The following KANSL3 variants were observed in gnomAD, a reference collection of about 807,000 sequenced individuals.
KANSL3 encodes KAT8 regulatory NSL complex subunit 3.
In KANSL3, 16 loss-of-function variants were observed where a neutral mutation model predicts 89.2. That is an observed-to-expected ratio of 0.18 (90% CI 0.12 to 0.27). KANSL3 has a LOEUF of 0.27. Ranked by LOEUF, KANSL3 falls within the 10% of genes least tolerant of loss-of-function variation. The pLI, the probability that KANSL3 is intolerant of heterozygous loss-of-function variation, is 1.00. For missense variants in KANSL3, 879 were observed against 1,110.6 expected (o/e 0.79, Z 2.96); for synonymous variants, 385 against 419.7 (o/e 0.92, Z 1.01).
intron 14 of KANSL3, chr2:96,605,990 G>T (rs1282164546): frequency 6.5e-6 from 1 of 153,020 alleles, no homozygotes; most frequent in Non-Finnish European, 1.5e-5. Context: ...TGGAGGAGCA[G>T]GTCATCCAGT....
At position 96,615,496 on chromosome 2, in the gene KANSL3, A is replaced by G. The variant is rs919849451; in HGVS notation, c.664-1877T>C. The G allele has an allele frequency of 7.0e-6, 9 of 1,285,734 alleles. No homozygotes were observed. In the East Asian group the frequency reaches 4.4e-4, roughly 63 times the overall value. The allele number at this position is 1,285,734 out of a possible 1,614,324, so 79.6% of individuals were successfully genotyped here. A position where few individuals can be genotyped will look rare whatever the true frequency, so the allele number is the denominator to read the frequency against. ...TTCAGACATGTTGATGCTTACACTG[A>G]GAAGAAATATCTGCGAATTCCATGC... is the stretch of plus-strand genomic sequence containing the variant. On this transcript the variant is annotated intron_variant, in intron 5 of 20. Coordinates refer to ENST00000431828, the MANE Select transcript of KANSL3 (RefSeq NM_001115016.3).
the KANSL3 span, among the ~76,000 whole-genome samples, chr2:96,584,625 C>T: frequency 1.3e-5 from 2 of 152,298 alleles, no homozygotes; most frequent in South Asian, 4.1e-4. Context: ...GGTGAGAACA[C>T]GCAGTATTTT....
At chr2:96,589,467 A>C (rs1207902589), downstream of KANSL3, among the ~76,000 whole-genome samples, 1 of 152,232 alleles carries the variant, frequency 6.6e-6, no homozygotes, top group Non-Finnish European at 1.5e-5. Context: ...GACATTACAT[A>C]ATGATAAAAG....
chr2:96,615,165 C>CAAAAAAAAAAAAAAAAAAA (rs35960339), intron 5 of KANSL3: 17 of 83,008 alleles, frequency 2.0e-4, no homozygotes, highest in African/African-American at 7.5e-4. Flanking sequence ...GAGACTGTCT[C>CAAAAAAAAAAAAAAAAAAA]AAAAAAAAAA....
In KANSL3 at chr2:96,600,157, G is replaced by A. The variant is rs188893918; in HGVS notation, c.2616+1486C>T. ...AGACACAGACAGGGAAACGTGTCAC[G>A]ACATGATTTATAAAAAAAGGCAAGT... On this transcript the variant is annotated intron_variant, in intron 20 of 20. Transcript: ENST00000431828. Among the ~76,000 whole-genome samples, 28 of 152,100 alleles carry A rather than the reference G, an allele frequency of 1.8e-4. No individual in the cohort carries two copies. The East Asian group carries it at 2.1e-3, about 12-fold the overall frequency.
At chr2:96,602,067 G>C in intron 19 of KANSL3, 49 bp downstream of exon 19, 1 of 1,508,942 alleles carries the variant, frequency 6.6e-7, no homozygotes, top group Non-Finnish European at 9.0e-7. Context: ...AGGTCCTGGG[G>C]GAAAGATCCC....
Position 96,608,858 on chromosome 2 carries a change from C to CACT in KANSL3, c.1584+3_1584+5dup. 4 of 1,569,434 alleles carry CACT rather than the reference C, an allele frequency of 2.5e-6. No individual in the cohort carries two copies. The highest frequency in any genetic ancestry group is 3.5e-6 in the Non-Finnish European group (4 of 1,157,736). On this transcript the variant is annotated splice_donor_region_variant and intron_variant, in intron 13 of 20. Transcript: ENST00000431828. Reference sequence around the variant, plus strand: ...AGCAAAAGCGCTCCCTCCCTGCTCACACTACCTCTGAGCCTGAGGGTGAGG... The same window carrying CACT: ...AGCAAAAGCGCTCCCTCCCTGCTCACACTACTACCTCTGAGCCTGAGGGTGAGG...
chr2:96,582,624 C>CT, the KANSL3 span, among the ~76,000 whole-genome samples: 11 of 152,212 alleles, frequency 7.2e-5, no homozygotes, highest in African/African-American at 2.7e-4. Flanking sequence ...AAATTCCTTG[C>CT]TTGCTAATTC....
chr2:96,601,004 G>A, intron 20 of KANSL3: 1 of 595,398 alleles, frequency 1.7e-6, no homozygotes, highest in Non-Finnish European at 2.1e-6. Context: ...AACAAAGAAA[G>A]GGCCAGGAGC....
chr2:96,594,973 C>T lies in KANSL3; in HGVS notation c.*638G>A, dbSNP rs1285523062. On this transcript the variant is annotated 3_prime_UTR_variant, in exon 21 of 21. Coordinates refer to ENST00000431828, the MANE Select transcript of KANSL3 (RefSeq NM_001115016.3). Reference sequence around the variant, plus strand: ...AAAGATGACAGCCTAGTTCTCTTTGCCTTCATTATGATACTAACAAAAACC... The same window carrying T: ...AAAGATGACAGCCTAGTTCTCTTTGTCTTCATTATGATACTAACAAAAACC... The T allele has an allele frequency of 1.3e-5, 2 of 152,240 alleles. No homozygotes were observed. The highest frequency in any genetic ancestry group is 2.9e-5 in the Non-Finnish European group (2 of 68,056). 9.4% of individuals were successfully genotyped at this position (152,240 alleles called of 1,614,324 possible).
chr2:96,634,821 A>G (rs2074022165), intron 2 of KANSL3, among the ~76,000 whole-genome samples: 1 of 152,200 alleles, frequency 6.6e-6, no homozygotes. Context: ...ATGTGTAGCT[A>G]AAAGAGAACT....
the KANSL3 span, among the ~76,000 whole-genome samples, chr2:96,585,916 G>A: frequency 6.6e-6 from 1 of 152,102 alleles, no homozygotes; most frequent in Non-Finnish European, 1.5e-5. Flanking sequence ...AAGCTATAAG[G>A]ACACAAAGGC....
At chr2:96,591,116 T>C (rs540750338), downstream of KANSL3, among the ~76,000 whole-genome samples, 1 of 152,316 alleles carries the variant, frequency 6.6e-6, no homozygotes, top group African/African-American at 2.4e-5. Context: ...AATGAATTGT[T>C]ACACAAACTG....
At chr2:96,611,551 C>G (rs1191720002) in intron 9 of KANSL3, among the ~76,000 whole-genome samples, 1 of 152,208 alleles carries the variant, frequency 6.6e-6, no homozygotes, top group Non-Finnish European at 1.5e-5. Flanking sequence ...AGCTACCAGA[C>G]AGCCTAGATT....
chr2:96,635,554 T>C (rs146300028), intron 2 of KANSL3, among the ~76,000 whole-genome samples: 192 of 152,362 alleles, frequency 1.3e-3, no homozygotes, highest in African/African-American at 4.5e-3. Context: ...GCTTTTCAGT[T>C]ATGCCCTAGG....
In KANSL3 at chr2:96,593,230, T is replaced by G; in HGVS notation, c.*2381A>C. On this transcript the variant is annotated 3_prime_UTR_variant, in exon 21 of 21. Coordinates refer to ENST00000431828, the MANE Select transcript of KANSL3 (RefSeq NM_001115016.3). ...GTAAAAACAGAACCATCACAGCCGC[T>G]CAGCTCTATAACCCATCCAGCCCAA... The G allele has an allele frequency of 2.2e-6, 1 of 455,728 alleles. No homozygotes were observed. Among genetic ancestry groups the G allele is most frequent in the Non-Finnish European group, 4.4e-6 (1 of 226,628 alleles). 28.2% of individuals were successfully genotyped at this position (455,728 alleles called of 1,614,324 possible).
At chr2:96,620,088 C>A (rs935481850) in intron 3 of KANSL3, among the ~76,000 whole-genome samples, 5 of 152,164 alleles carry the variant, frequency 3.3e-5, no homozygotes, top group Non-Finnish European at 2.9e-5. Context: ...TAAAATTATT[C>A]CAATCATAAA....
intron 2 of KANSL3, among the ~76,000 whole-genome samples, chr2:96,631,856 G>A (rs974569761): frequency 2.6e-5 from 4 of 152,124 alleles, no homozygotes; most frequent in African/African-American, 7.2e-5. Flanking sequence ...AGACCAGCCT[G>A]GGCAACATGA....
At chr2:96,605,240 G>A (rs921641739) in intron 15 of KANSL3, 80 bp downstream of exon 15, 9 of 1,233,308 alleles carry the variant, frequency 7.3e-6, no homozygotes, top group Non-Finnish European at 1.0e-5. Context: ...AGGCTGACAT[G>A]CTGGTGAATG....
Sources: allele counts gnomAD v4.1 joint callset (sites outside exome capture counted in the v4.1 genomes callset), GRCh38; gene constraint gnomAD v4.1.1; transcripts MANE v1.5; gene names NCBI Gene and HGNC (gene_info 2026-07-23, HGNC 2026-07-21).